LAMA1: variants seen among roughly 807,000 people sequenced by gnomAD.
The protein encoded by LAMA1 is laminin subunit alpha-1.
A neutral mutation model predicts 348.7 loss-of-function variants in LAMA1; 219 were observed. That is an observed-to-expected ratio of 0.63 (90% CI 0.56 to 0.70). The LOEUF (loss-of-function observed/expected upper bound fraction) is 0.70. LAMA1 is among the 30% of genes least tolerant of loss of function. The pLI, the probability that LAMA1 is intolerant of heterozygous loss-of-function variation, is 0.00. For synonymous variants in LAMA1, 1,487 were observed against 1,491.0 expected, an observed-to-expected ratio of 1.00 and a Z score of 0.06; for missense variants, 3,744 against 3,888.0, an observed-to-expected ratio of 0.96 and a Z score of 0.99.
intron 9 of LAMA1, 34 bp downstream of exon 9, chr18:7,042,111 C>A: frequency 7.0e-7 from 1 of 1,431,268 alleles, no homozygotes; most frequent in South Asian, 1.2e-5. Context: ...CACACAAAAT[C>A]AATTACAAGC....
At chr18:6,943,518 G>T (rs950272635) in intron 61 of LAMA1, 116 bp from the exon 62 acceptor site, 2 of 861,922 alleles carry the variant, frequency 2.3e-6, no homozygotes, top group Admixed American at 3.8e-5. Context: ...CTAACTAGGA[G>T]AAACAGAAAA....
intron 42 of LAMA1, among the ~76,000 whole-genome samples, chr18:6,978,909 A>T (rs921550946): frequency 6.6e-6 from 1 of 152,214 alleles, no homozygotes; most frequent in Admixed American, 6.5e-5. Flanking sequence ...ACTGGCTGCT[A>T]GAAGTAACAG....
intron 3 of LAMA1, among the ~76,000 whole-genome samples, chr18:7,060,591 T>C (rs1399310874): frequency 1.3e-5 from 2 of 152,182 alleles, no homozygotes; most frequent in Admixed American, 6.6e-5. Context: ...CATGCTGAGA[T>C]ACTTAAAGTG....
At position 7,046,446 on chromosome 18, in the gene LAMA1, T is replaced by C. The variant is rs517111; in HGVS notation, c.769-79A>G. On this transcript the variant is annotated intron_variant, in intron 5 of 62. Transcript: ENST00000389658. ...GAAAATGTTGGCACACCAACAAATA[T>C]CTCATGTAGTTTAAGAGTTTTTATT... 16,350 of 796,450 alleles carry C rather than the reference T, an allele frequency of 0.021. 1,549 individuals carry two copies. In the African/African-American group the frequency reaches 0.23, roughly 11 times the overall value. 49.3% of individuals were successfully genotyped at this position (796,450 alleles called of 1,614,324 possible).
intron 3 of LAMA1, among the ~76,000 whole-genome samples, chr18:7,061,792 A>G (rs2058102830): frequency 1.3e-5 from 2 of 151,966 alleles, no homozygotes; most frequent in African/African-American, 4.8e-5. Context: ...TGCTCGACAC[A>G]CTCCCTCCTG....
intron 3 of LAMA1, among the ~76,000 whole-genome samples, chr18:7,061,410 A>G (rs2058101496): frequency 6.6e-6 from 1 of 152,224 alleles, no homozygotes; most frequent in Non-Finnish European, 1.5e-5. Context: ...TGTAAGATCC[A>G]CATGACAGCC....
At chr18:7,018,686 C>T (rs1000245023) in intron 19 of LAMA1, among the ~76,000 whole-genome samples, 10 of 152,146 alleles carry the variant, frequency 6.6e-5, no homozygotes, top group Non-Finnish European at 8.8e-5. Context: ...TGAGCCACCG[C>T]GCCGGGCCCC....
chr18:7,043,453 A>C (rs761964132), intron 7 of LAMA1, 48 bp from the exon 8 acceptor site: 6 of 1,510,848 alleles, frequency 4.0e-6, no homozygotes, highest in Non-Finnish European at 5.5e-6. Flanking sequence ...AGCATGCCTT[A>C]TACAAAGAAA....
intron 48 of LAMA1, among the ~76,000 whole-genome samples, chr18:6,970,647 G>A (rs1001854407): frequency 2.7e-5 from 4 of 149,054 alleles, no homozygotes; most frequent in Admixed American, 6.6e-5. Context: ...TTTTTGAGAT[G>A]GAGTTTCGCT....
intron 33 of LAMA1, among the ~76,000 whole-genome samples, chr18:6,996,934 T>C (rs2057783774): frequency 1.3e-5 from 2 of 152,220 alleles, no homozygotes; most frequent in Non-Finnish European, 2.9e-5. Flanking sequence ...AGACATTTAA[T>C]GTAGCCTTCC....
chr18:7,060,606 T>C (rs544565887), intron 3 of LAMA1, among the ~76,000 whole-genome samples: 6 of 152,184 alleles, frequency 3.9e-5, no homozygotes, highest in South Asian at 4.1e-4. Context: ...AAAGTGGACA[T>C]TGAAGAAAAG....
At chr18:6,981,102 C>CAA (rs1216591782) in intron 41 of LAMA1, among the ~76,000 whole-genome samples, 3 of 76,746 alleles carry the variant, frequency 3.9e-5, no homozygotes, top group African/African-American at 9.3e-5. Context: ...GACTCCGTCT[C>CAA]AAAAAAAAAA....
chr18:7,031,388 T>A (rs2057968543), intron 16 of LAMA1, among the ~76,000 whole-genome samples: 1 of 152,192 alleles, frequency 6.6e-6, no homozygotes, highest in South Asian at 2.1e-4. Context: ...TAACTACCTA[T>A]TTCTTAAGCC....
intron 48 of LAMA1, among the ~76,000 whole-genome samples, chr18:6,971,386 G>A (rs1175362850): frequency 2.6e-5 from 4 of 152,172 alleles, no homozygotes; most frequent in South Asian, 2.1e-4. Context: ...CTGACCACAC[G>A]TGAAAAAATT....
intron 1 of LAMA1, among the ~76,000 whole-genome samples, chr18:7,092,921 C>T (rs893549831): frequency 1.9e-4 from 29 of 152,126 alleles, no homozygotes; most frequent in African/African-American, 7.0e-4. Flanking sequence ...GTGGTGGCAG[C>T]ACATGCTCAT....
chr18:6,943,954 T>G (rs1190313041), intron 61 of LAMA1, among the ~76,000 whole-genome samples: 9 of 151,900 alleles, frequency 5.9e-5, no homozygotes. Flanking sequence ...CATCCTTAAA[T>G]GAGGGCCTCA....
At chr18:7,115,243 G>A (rs1455281053) in intron 1 of LAMA1, among the ~76,000 whole-genome samples, 1 of 152,176 alleles carries the variant, frequency 6.6e-6, no homozygotes, top group Non-Finnish European at 1.5e-5. Context: ...TGAGAATGAA[G>A]TGAATTTTCT....
intron 44 of LAMA1, among the ~76,000 whole-genome samples, chr18:6,977,478 G>T (rs930043035): frequency 2.0e-5 from 3 of 152,174 alleles, no homozygotes; most frequent in Non-Finnish European, 2.9e-5. Context: ...TCTCCATAAA[G>T]ACATGGAAAT....
chr18:6,984,307 C>G (rs2057724730), intron 39 of LAMA1, among the ~76,000 whole-genome samples: 1 of 152,180 alleles, frequency 6.6e-6, no homozygotes, highest in African/African-American at 2.4e-5. Context: ...GCATCTTTCC[C>G]CTTCCACAGA....
Sources: gnomAD v4.1 joint callset for allele counts (sites outside exome capture counted in the v4.1 genomes callset) on GRCh38, gnomAD v4.1.1 for gene constraint, MANE v1.5 for transcripts, NCBI Gene and HGNC (gene_info 2026-07-23, HGNC 2026-07-21) for gene names.